Variants in CABCOCO1 observed in about 807,000 individuals in gnomAD.
The protein encoded by CABCOCO1 is ciliary-associated calcium-binding coiled-coil protein 1.
In CABCOCO1, 28 loss-of-function variants were observed where a neutral mutation model predicts 35.7. The observed-to-expected ratio is 0.78, with a 90% CI of 0.58 to 1.07. The LOEUF is 1.07. Ranked by LOEUF, CABCOCO1 falls within the 50% of genes least tolerant of loss-of-function variation. The pLI is 0.00. For missense variants in CABCOCO1, 326 were observed against 309.2 expected (o/e 1.05, Z -0.41); for synonymous variants, 95 against 100.1 (o/e 0.95, Z 0.30).
intron 5 of CABCOCO1, among the ~76,000 whole-genome samples, chr10:61,754,981 A>C (rs1841867487): frequency 6.6e-6 from 1 of 152,134 alleles, no homozygotes; most frequent in African/African-American, 2.4e-5. Context: ...TAGGAAAGAA[A>C]ATTAATGTGC....
intron 5 of CABCOCO1, among the ~76,000 whole-genome samples, chr10:61,693,109 G>C (rs949711008): frequency 1.3e-4 from 20 of 152,080 alleles, no homozygotes; most frequent in Admixed American, 1.3e-3. Flanking sequence ...GACAGGCTTG[G>C]CTGCTTTATT....
At chr10:61,667,800 G>A (rs186961680) in intron 1 of CABCOCO1, among the ~76,000 whole-genome samples, 2 of 151,892 alleles carry the variant, frequency 1.3e-5, no homozygotes, top group East Asian at 3.9e-4. Context: ...ATGCAGCCTT[G>A]TAATCCTCAA....
chr10:61,702,676 T>G (rs1385558024), intron 5 of CABCOCO1, among the ~76,000 whole-genome samples: 1 of 152,148 alleles, frequency 6.6e-6, no homozygotes, highest in Non-Finnish European at 1.5e-5. Flanking sequence ...GTTTTCATAG[T>G]GTTCAAGTTG....
chr10:61,755,843 T>TA (rs1246699639), intron 5 of CABCOCO1, among the ~76,000 whole-genome samples: 1 of 152,014 alleles, frequency 6.6e-6, no homozygotes, highest in Non-Finnish European at 1.5e-5. Context: ...CATAAAGTGA[T>TA]AAAATTTTCA....
At chr10:61,707,864 G>C (rs1199826080) in intron 5 of CABCOCO1, among the ~76,000 whole-genome samples, 2 of 152,094 alleles carry the variant, frequency 1.3e-5, no homozygotes, top group Non-Finnish European at 2.9e-5. Flanking sequence ...AAAAACAGAA[G>C]CTGATACATG....
chr10:61,720,979 C>T (rs1411552777), intron 5 of CABCOCO1, among the ~76,000 whole-genome samples: 1 of 120,370 alleles, frequency 8.3e-6, no homozygotes, highest in Non-Finnish European at 1.6e-5. Flanking sequence ...GGCTGGAGTG[C>T]GGTGGCGCGA....
intron 5 of CABCOCO1, among the ~76,000 whole-genome samples, chr10:61,709,813 G>GA (rs1311676593): frequency 6.6e-6 from 1 of 151,744 alleles, no homozygotes; most frequent in Non-Finnish European, 1.5e-5. Flanking sequence ...AACTTATTTA[G>GA]AAAAAGAAGC....
chr10:61,694,835 G>T (rs1345379525), intron 5 of CABCOCO1, among the ~76,000 whole-genome samples: 2 of 152,064 alleles, frequency 1.3e-5, no homozygotes, highest in Non-Finnish European at 2.9e-5. Context: ...AGCAAATTTT[G>T]CAGGTAGCAT....
intron 5 of CABCOCO1, among the ~76,000 whole-genome samples, chr10:61,753,725 G>A (rs1476821562): frequency 2.6e-5 from 4 of 152,118 alleles, no homozygotes; most frequent in Non-Finnish European, 2.9e-5. Flanking sequence ...TTCTAAATAG[G>A]TGGCTTGCCC....
intron 3 of CABCOCO1, among the ~76,000 whole-genome samples, chr10:61,682,153 C>A (rs1343027421): frequency 6.6e-6 from 1 of 152,122 alleles, no homozygotes; most frequent in Non-Finnish European, 1.5e-5. Flanking sequence ...CTTTTTTAAA[C>A]TTTTCCTGTA....
chr10:61,711,818 T>G (rs547925056), intron 5 of CABCOCO1, among the ~76,000 whole-genome samples: 3 of 151,936 alleles, frequency 2.0e-5, no homozygotes, highest in Admixed American at 1.3e-4. Context: ...CCCAAATATG[T>G]ACAGACTAAA....
chr10:61,682,904 T>TTTTTTTAA (rs1839841006), intron 3 of CABCOCO1, among the ~76,000 whole-genome samples: 2 of 151,008 alleles, frequency 1.3e-5, no homozygotes, highest in African/African-American at 4.9e-5. Context: ...TTTTTTTTTT[T>TTTTTTTAA]AAGACAGATT....
intron 5 of CABCOCO1, among the ~76,000 whole-genome samples, chr10:61,703,562 T>C (rs1840517395): frequency 6.6e-6 from 1 of 152,192 alleles, no homozygotes; most frequent in South Asian, 2.1e-4. Context: ...GTTTCTTCTA[T>C]GAAGACTTTT....
At chr10:61,675,025 T>C (rs1351726191) in intron 2 of CABCOCO1, among the ~76,000 whole-genome samples, 2 of 152,190 alleles carry the variant, frequency 1.3e-5, no homozygotes, top group Non-Finnish European at 2.9e-5. Flanking sequence ...CTGCATGTCA[T>C]ATTTAAGAAT....
intron 4 of CABCOCO1, among the ~76,000 whole-genome samples, chr10:61,686,735 A>C (rs1050654199): frequency 1.3e-5 from 2 of 152,192 alleles, no homozygotes; most frequent in Non-Finnish European, 2.9e-5. Context: ...AATTAAACTC[A>C]TTAAGTCTTT....
Position 61,662,977 on chromosome 10 carries a change from C to A in CABCOCO1, c.5C>A (p.Ser2Ter), listed in dbSNP as rs573922590. The change falls in exon 1 of 8, where the codon TCG becomes TAG. Residue 2 changes from serine to a stop codon, truncating the protein, a stop_gained. Transcript: ENST00000648843. LOFTEE classifies it high-confidence loss of function. ...CTCTCGGCCGAGATTGCGGCGATGT[C>A]GCAGGGGACGACTCCCTGGGGGCCG... M[S>*]QGTTPWGPTP... 5 of 393,942 alleles carry A rather than the reference C, an allele frequency of 1.3e-5. No individual in the cohort carries two copies. Among genetic ancestry groups the A allele is most frequent in the African/African-American group, 2.2e-5 (1 of 45,262 alleles). The allele number at this position is 393,942 out of a possible 1,614,324, so 24.4% of individuals were successfully genotyped here. A position where few individuals can be genotyped will look rare whatever the true frequency, so the allele number is the denominator to read the frequency against.
chr10:61,671,217 T>C (rs916090549), intron 1 of CABCOCO1, among the ~76,000 whole-genome samples: 1 of 151,984 alleles, frequency 6.6e-6, no homozygotes, highest in Admixed American at 6.6e-5. Flanking sequence ...TCCCAGCTAC[T>C]TGGGAGGCTG....
At chr10:61,719,313 C>T (rs1176687933) in intron 5 of CABCOCO1, among the ~76,000 whole-genome samples, 1 of 152,036 alleles carries the variant, frequency 6.6e-6, no homozygotes, top group African/African-American at 2.4e-5. Flanking sequence ...AAAGTTAGGC[C>T]TACTTTATAA....
chr10:61,719,127 G>C (rs1840937314), intron 5 of CABCOCO1, among the ~76,000 whole-genome samples: 1 of 152,142 alleles, frequency 6.6e-6, no homozygotes, highest in Non-Finnish European at 1.5e-5. Flanking sequence ...AGAGTTTCAG[G>C]AAGGTATTAA....
Sources: gnomAD v4.1 joint callset for allele counts (sites outside exome capture counted in the v4.1 genomes callset) on GRCh38, gnomAD v4.1.1 for gene constraint, MANE v1.5 for transcripts, NCBI Gene and HGNC (gene_info 2026-07-23, HGNC 2026-07-21) for gene names.